The following LYPD6B variants were observed in gnomAD, a reference collection of about 807,000 sequenced individuals.
The protein encoded by LYPD6B is LY6/PLAUR domain containing 6B.
In LYPD6B, 17 loss-of-function variants were observed where a neutral mutation model predicts 22.8. That is an observed-to-expected ratio of 0.75 (90% CI 0.51 to 1.12). The LOEUF is 1.12. Among genes scored for constraint, LYPD6B ranks in the 50% most tolerant of loss-of-function variants. The pLI is 0.00. For synonymous variants in LYPD6B, 106 were observed against 91.6 expected (o/e 1.16, Z -0.90); for missense variants, 221 against 258.3 (o/e 0.86, Z 0.99).
intron 3 of LYPD6B, among the ~76,000 whole-genome samples, chr2:149,165,785 T>C (rs1245775822): frequency 6.6e-6 from 1 of 152,146 alleles, no homozygotes; most frequent in African/African-American, 2.4e-5. Context: ...CCCTAATGCT[T>C]CTCAAGTTAA....
intron 3 of LYPD6B, among the ~76,000 whole-genome samples, chr2:149,186,244 C>T (rs1692094609): frequency 6.6e-6 from 1 of 152,210 alleles, no homozygotes; most frequent in South Asian, 2.1e-4. Context: ...AAAAGTGCTA[C>T]TCCAGTGAAC....
chr2:149,141,096 G>A (rs1443908115), intron 2 of LYPD6B, among the ~76,000 whole-genome samples: 4 of 152,266 alleles, frequency 2.6e-5, no homozygotes, highest in African/African-American at 9.6e-5. Context: ...GGTAAGTGAT[G>A]AAAAAAGCAC....
intron 3 of LYPD6B, among the ~76,000 whole-genome samples, chr2:149,186,656 G>T (rs1375470031): frequency 6.6e-6 from 1 of 152,180 alleles, no homozygotes; most frequent in South Asian, 2.1e-4. Context: ...TCAGGCTGGA[G>T]TGCAGTGGTG....
At chr2:149,175,071 G>C (rs1470760441) in intron 3 of LYPD6B, among the ~76,000 whole-genome samples, 1 of 148,036 alleles carries the variant, frequency 6.8e-6, no homozygotes, top group Non-Finnish European at 1.5e-5. Flanking sequence ...CTGTGTGTGT[G>C]TGTGTGTGTG....
At chr2:149,212,050 C>A (rs2106180230) in intron 5 of LYPD6B, among the ~76,000 whole-genome samples, 1 of 152,104 alleles carries the variant, frequency 6.6e-6, no homozygotes, top group Non-Finnish European at 1.5e-5. Flanking sequence ...AAAAGTCTAA[C>A]ATGTTGGTAG....
intron 1 of LYPD6B, among the ~76,000 whole-genome samples, chr2:149,076,613 T>A (rs1684887181): frequency 1.3e-5 from 2 of 152,292 alleles, no homozygotes; most frequent in South Asian, 4.1e-4. Flanking sequence ...ATTTAGGGTA[T>A]GTTTTCAGTT....
intron 2 of LYPD6B, among the ~76,000 whole-genome samples, chr2:149,149,192 C>G (rs866776574): frequency 1.3e-5 from 2 of 152,056 alleles, no homozygotes; most frequent in Non-Finnish European, 2.9e-5. Flanking sequence ...AAAGTAATGG[C>G]AAAACTGCAA....
intron 1 of LYPD6B, among the ~76,000 whole-genome samples, chr2:149,081,661 C>G (rs777597198): frequency 1.3e-5 from 2 of 152,112 alleles, no homozygotes; most frequent in African/African-American, 2.4e-5. Context: ...AGAAACAGAA[C>G]CTGACCAGCA....
chr2:149,203,615 A>G (rs540850164), intron 3 of LYPD6B, among the ~76,000 whole-genome samples: 2 of 152,338 alleles, frequency 1.3e-5, no homozygotes, highest in South Asian at 4.1e-4. Flanking sequence ...GGAAAGAATT[A>G]TATATATTTG....
intron 4 of LYPD6B, among the ~76,000 whole-genome samples, chr2:149,207,601 C>T (rs1693582349): frequency 6.6e-6 from 1 of 151,892 alleles, no homozygotes; most frequent in South Asian, 2.1e-4. Flanking sequence ...CCATAACAAA[C>T]TGGCCTAATT....
At chr2:149,123,206 G>C (rs1039932192) in intron 1 of LYPD6B, among the ~76,000 whole-genome samples, 9 of 152,176 alleles carry the variant, frequency 5.9e-5, no homozygotes, top group Non-Finnish European at 1.0e-4. Context: ...CCTCATTTGG[G>C]CAGCAGTGTG....
chr2:149,064,221 T>A (rs542233787), intron 1 of LYPD6B, among the ~76,000 whole-genome samples: 1 of 152,342 alleles, frequency 6.6e-6, no homozygotes, highest in Non-Finnish European at 1.5e-5. Flanking sequence ...TGCTGGATAT[T>A]AAGGTTATGG....
intron 3 of LYPD6B, among the ~76,000 whole-genome samples, chr2:149,192,115 C>T: frequency 6.6e-6 from 1 of 152,144 alleles, no homozygotes; most frequent in Non-Finnish European, 1.5e-5. Context: ...CCAGGCAGAT[C>T]ACAGGTCTGG....
At chr2:149,065,279 C>T (rs1016720082) in intron 1 of LYPD6B, among the ~76,000 whole-genome samples, 1 of 152,164 alleles carries the variant, frequency 6.6e-6, no homozygotes, top group Non-Finnish European at 1.5e-5. Flanking sequence ...ATGGAGAATT[C>T]TAGGGAGGGC....
chr2:149,136,469 C>G (rs1000335358), intron 2 of LYPD6B, among the ~76,000 whole-genome samples: 2 of 152,232 alleles, frequency 1.3e-5, no homozygotes, highest in Non-Finnish European at 2.9e-5. Context: ...TACAACGCCT[C>G]ATTCCCAGAT....
chr2:149,040,340 C>T (rs549653966), intron 1 of LYPD6B, among the ~76,000 whole-genome samples: 1 of 152,090 alleles, frequency 6.6e-6, no homozygotes, highest in East Asian at 1.9e-4. Context: ...ATTATCCTGC[C>T]TCAGCCTCCC....
intron 1 of LYPD6B, among the ~76,000 whole-genome samples, chr2:149,124,594 G>A (rs756024468): frequency 3.3e-5 from 5 of 152,068 alleles, no homozygotes; most frequent in Non-Finnish European, 7.4e-5. Context: ...CATTAGCCGG[G>A]CAACTATTAG....
chr2:149,209,374 G>T (rs553710116), intron 5 of LYPD6B, among the ~76,000 whole-genome samples: 21 of 152,240 alleles, frequency 1.4e-4, no homozygotes, highest in African/African-American at 4.8e-4. Flanking sequence ...GGAGGTGAAT[G>T]ATTGAATGCA....
chr2:149,098,759 C>CT (rs1001512748), intron 1 of LYPD6B, among the ~76,000 whole-genome samples: 3 of 105,600 alleles, frequency 2.8e-5, no homozygotes, highest in Non-Finnish European at 6.1e-5. Context: ...TATACATGTG[C>CT]TTTTTCTTTT....
Sources: gnomAD v4.1 joint callset for allele counts (sites outside exome capture counted in the v4.1 genomes callset) on GRCh38, gnomAD v4.1.1 for gene constraint, MANE v1.5 for transcripts, NCBI Gene and HGNC (gene_info 2026-07-23, HGNC 2026-07-21) for gene names.